The following USP3 variants were observed in gnomAD, a reference collection of about 807,000 sequenced individuals.
USP3 encodes ubiquitin specific peptidase 3, also known as ubiquitin carboxyl-terminal hydrolase 3.
In USP3, 20 loss-of-function variants were observed where a neutral mutation model predicts 72.3. That is an observed-to-expected ratio of 0.28 (90% CI 0.19 to 0.40). USP3 has a LOEUF of 0.40. USP3 is among the 10% of genes least tolerant of loss of function. The pLI is 1.00. For synonymous variants in USP3, 222 were observed against 225.3 expected (o/e 0.99, Z 0.13); for missense variants, 479 against 633.9 (o/e 0.76, Z 2.62).
At chr15:63,535,135 T>C (rs766369213) in intron 2 of USP3, among the ~76,000 whole-genome samples, 10 of 152,198 alleles carry the variant, frequency 6.6e-5, no homozygotes, top group Non-Finnish European at 1.2e-4. Flanking sequence ...TTCACCATGT[T>C]GGCCAGGCAA....
intron 8 of USP3, among the ~76,000 whole-genome samples, chr15:63,565,475 C>CA (rs1371119913): frequency 6.6e-6 from 1 of 152,122 alleles, no homozygotes; most frequent in East Asian, 1.9e-4. Context: ...CTTAAATAGG[C>CA]AAAAACATAT....
In USP3 at chr15:63,590,831, T is replaced by C; in HGVS notation, c.*5T>C. The stretch of plus-strand genomic sequence containing the variant: ...GCTGGATCGGATAAACTTTAATACC[T>C]CCTCCAAATCATCATTCACCAACCA... On this transcript the variant is annotated 3_prime_UTR_variant, in exon 15 of 15. Transcript: ENST00000380324. 1 of 1,603,698 alleles carries C rather than the reference T, an allele frequency of 6.2e-7. No individual in the cohort carries two copies. The highest frequency in any genetic ancestry group is 1.3e-5 in the African/African-American group (1 of 74,572).
In USP3 at chr15:63,544,648, T is replaced by C. The variant is rs1595731860; in HGVS notation, c.284+7492T>C. 1.4e-6 allele frequency: 1 copy of C among 699,298 alleles called. No individual in the cohort carries two copies. The allele number at this position is 699,298 out of a possible 1,614,324, so 43.3% of individuals were successfully genotyped here. A position where few individuals can be genotyped will look rare whatever the true frequency, so the allele number is the denominator to read the frequency against. On this transcript the variant is annotated intron_variant, in intron 3 of 14. Transcript: ENST00000380324. This position sits in a 1 kb window ranked among gnomAD's most constrained non-coding sequence, Gnocchi z 4.2. ...TCATTTTTGGAGAATGGGGGAAGAA[T>C]GTAAAGATGGAGATGACCGAATGAG...
At chr15:63,532,323 A>G (rs2066088520) in intron 1 of USP3, among the ~76,000 whole-genome samples, 1 of 152,240 alleles carries the variant, frequency 6.6e-6, no homozygotes, top group African/African-American at 2.4e-5. Flanking sequence ...TTAATAGGAA[A>G]ATAGACTGTC....
At position 63,553,502 on chromosome 15, in the gene USP3, A is replaced by T; in HGVS notation, c.285-213A>T. The T allele has an allele frequency of 5.1e-6, 2 of 389,952 alleles. No individual in the cohort carries two copies. Among genetic ancestry groups the T allele is most frequent in the Non-Finnish European group, 4.6e-6 (1 of 218,650 alleles). 24.2% of individuals were successfully genotyped at this position (389,952 alleles called of 1,614,324 possible). On this transcript the variant is annotated intron_variant, in intron 3 of 14. Transcript: ENST00000380324. This position sits in a 1 kb window ranked among gnomAD's most constrained non-coding sequence, Gnocchi z 4.2. ...GAAGAGCTTTTGAGTAAAAAACGTGAAAAGAAGCTCATGTTCATTGCCTAC... is the reference window on the plus strand; with the variant it reads ...GAAGAGCTTTTGAGTAAAAAACGTGTAAAGAAGCTCATGTTCATTGCCTAC...
chr15:63,540,550 AAAG>A (rs1464169858), intron 3 of USP3, among the ~76,000 whole-genome samples: 1 of 152,196 alleles, frequency 6.6e-6, no homozygotes, highest in African/African-American at 2.4e-5. Flanking sequence ...TTGAAGGACT[AAAG>A]AGCCACGTAA....
intron 11 of USP3, among the ~76,000 whole-genome samples, chr15:63,582,943 A>T (rs1432462719): frequency 6.6e-6 from 1 of 152,192 alleles, no homozygotes; most frequent in Non-Finnish European, 1.5e-5. Context: ...TTCTTTCAGT[A>T]ATCTCAGTGC....
At chr15:63,525,912 C>T (rs2065975151) in intron 1 of USP3, among the ~76,000 whole-genome samples, 1 of 152,070 alleles carries the variant, frequency 6.6e-6, no homozygotes. Flanking sequence ...ATAACTGCTG[C>T]AAAATTTCAA....
chr15:63,513,882 A>T (rs1272899776), intron 1 of USP3, among the ~76,000 whole-genome samples: 1 of 152,258 alleles, frequency 6.6e-6, no homozygotes, highest in African/African-American at 2.4e-5. Flanking sequence ...CATTTAAAAA[A>T]TAACTGTATA....
At chr15:63,572,375 G>A (rs1438124075) in intron 9 of USP3, among the ~76,000 whole-genome samples, 1 of 151,598 alleles carries the variant, frequency 6.6e-6, no homozygotes, top group Non-Finnish European at 1.5e-5. Flanking sequence ...TTTTCAGCAG[G>A]GTTTTGTTTT....
chr15:63,556,808 T>C, intron 5 of USP3, 60 bp downstream of exon 5: 1 of 1,175,710 alleles, frequency 8.5e-7, no homozygotes, highest in Non-Finnish European at 1.2e-6. Context: ...ACTGTTTTGT[T>C]ACAACTCTAA....
intron 3 of USP3, among the ~76,000 whole-genome samples, chr15:63,541,417 C>A (rs970743810): frequency 1.3e-5 from 2 of 152,110 alleles, no homozygotes; most frequent in East Asian, 1.9e-4. Context: ...TTCTTATAAA[C>A]GATTTGGACG....
chr15:63,516,769 G>A (rs2065855549), intron 1 of USP3, among the ~76,000 whole-genome samples: 2 of 151,402 alleles, frequency 1.3e-5, no homozygotes, highest in Admixed American at 6.6e-5. Flanking sequence ...TTCAAAATAT[G>A]GCTGGGCATG....
intron 9 of USP3, among the ~76,000 whole-genome samples, chr15:63,572,809 G>A (rs1438872279): frequency 6.6e-6 from 1 of 152,212 alleles, no homozygotes; most frequent in Non-Finnish European, 1.5e-5. Context: ...AAGTGTTCAT[G>A]TAGTACTATT....
At chr15:63,565,458 G>A (rs376706439) in intron 8 of USP3, among the ~76,000 whole-genome samples, 5 of 152,178 alleles carry the variant, frequency 3.3e-5, no homozygotes, top group Admixed American at 3.3e-4. Context: ...ACTTTAAAGT[G>A]TATTTTCTTA....
chr15:63,504,662 C>T lies in USP3; in HGVS notation c.-78C>T. 1.6e-6 allele frequency: 2 copies of T among 1,282,446 alleles called. No individual in the cohort carries two copies. The highest frequency in any genetic ancestry group is 2.1e-6 in the Non-Finnish European group (2 of 950,904). The allele number at this position is 1,282,446 out of a possible 1,614,324, so 79.4% of individuals were successfully genotyped here. On this transcript the variant is annotated 5_prime_UTR_variant, in exon 1 of 15. In the 5' UTR this introduces an upstream ATG that the reference lacks. Transcript: ENST00000380324. Reference sequence around the variant, plus strand: ...GCGCCCGGCTAGAAGCGACACCAGACGGAGCCTCCGGAGTTCCTCCGCCCC... The same window carrying T: ...GCGCCCGGCTAGAAGCGACACCAGATGGAGCCTCCGGAGTTCCTCCGCCCC...
intron 8 of USP3, among the ~76,000 whole-genome samples, chr15:63,564,069 C>T (rs2066649236): frequency 6.6e-6 from 1 of 152,146 alleles, no homozygotes; most frequent in African/African-American, 2.4e-5. Flanking sequence ...AGTTAAGTTA[C>T]CACTGTCCAG....
intron 3 of USP3, among the ~76,000 whole-genome samples, chr15:63,537,911 C>T (rs1190807834): frequency 6.6e-6 from 1 of 152,140 alleles, no homozygotes; most frequent in African/African-American, 2.4e-5. Context: ...TCTCGTACTC[C>T]TGACCTCAGG....
At chr15:63,572,184 CTTAATA>C (rs766546184) in intron 9 of USP3, among the ~76,000 whole-genome samples, 5 of 152,084 alleles carry the variant, frequency 3.3e-5, no homozygotes, top group African/African-American at 7.2e-5. Flanking sequence ...ATATATGAAA[CTTAATA>C]TTAAACATGT....
Sources: gnomAD v4.1 joint callset for allele counts (sites outside exome capture counted in the v4.1 genomes callset) on GRCh38, gnomAD v4.1.1 for gene constraint, Gnocchi (gnomAD v3.1) non-coding constraint, MANE v1.5 for transcripts, NCBI Gene and HGNC (gene_info 2026-07-23, HGNC 2026-07-21) for gene names.